KRT72: variants seen among roughly 807,000 people sequenced by gnomAD.
KRT72 encodes keratin, type II cytoskeletal 72.
In KRT72, 44 loss-of-function variants were observed where a neutral mutation model predicts 44.7. The observed-to-expected ratio is 0.98, with a 90% CI of 0.77 to 1.27. The LOEUF is 1.27. KRT72 is among the 50% of genes most tolerant of loss of function. The pLI, the probability that KRT72 is intolerant of heterozygous loss-of-function variation, is 0.00. For missense variants in KRT72, 736 were observed against 667.1 expected (o/e 1.10, Z -1.14); for synonymous variants, 302 against 280.4 (o/e 1.08, Z -0.77).
At chr12:52,594,543 G>A (rs1245116464) in intron 2 of KRT72, among the ~76,000 whole-genome samples, 2 of 151,850 alleles carry the variant, frequency 1.3e-5, no homozygotes, top group East Asian at 3.9e-4. Flanking sequence ...TCACTCACAG[G>A]TAGGAATTGA....
Position 52,592,423 on chromosome 12 carries a change from A to G in KRT72, c.771T>C (p.Ile257=), listed in dbSNP as rs1476823838. 1.2e-6 allele frequency: 2 copies of G among 1,613,558 alleles called. No homozygotes were observed. The highest frequency in any genetic ancestry group is 1.7e-6 in the Non-Finnish European group (2 of 1,179,482). The stretch of plus-strand genomic sequence containing the variant: ...CTTCATAAAGGCACTTGAAGAATTT[A>G]ATCTCATCTGTCAAGGAGTCCACCT... ...QAKVDSLTDE[I]KFFKCLYEGE... is the part of the protein sequence containing the mutation. Residue 257 remains isoleucine, a synonymous_variant, in exon 4 of 9, where the codon ATT becomes ATC. Transcript: ENST00000293745.
chr12:52,590,777 G>A, intron 6 of KRT72, 59 bp downstream of exon 6: 1 of 1,493,304 alleles, frequency 6.7e-7, no homozygotes. Context: ...TTCATATTCT[G>A]TCTGGCCCAG....
rs142172097 is a variant in KRT72 at position 52,591,609 on chromosome 12, G to T, written c.818C>A (p.Ser273Tyr). The change falls in exon 5 of 9, where the codon TCC (serine) becomes TAC (tyrosine). Residue 273 changes from serine to tyrosine, a missense_variant. Ser to Tyr is a moderately radical substitution (Grantham distance 144, BLOSUM62 -2). Transcript: ENST00000293745. The part of the protein sequence containing the change: ...LYEGEITQIQ[S>Y]HISDTSIVLS... ...GACGATGGACGTGTCGCTGATGTGG[G>T]ACTGGATCTGAGTGATCTCCTGGGG... 3 of 1,613,144 alleles carry T rather than the reference G, an allele frequency of 1.9e-6. No individual in the cohort carries two copies. The highest frequency in any genetic ancestry group is 2.7e-5 in the African/African-American group (2 of 74,914).
At position 52,587,630 on chromosome 12, in the gene KRT72, C is replaced by T. The variant is rs962349195; in HGVS notation, c.1310+1G>A. The stretch of plus-strand genomic sequence containing the variant: ...CGACACAAGGGTATCCGGCCCCTCA[C>T]CTGCACTCCTCGCTCTCCAGCAGCT... On this transcript the variant is annotated splice_donor_variant, in intron 7 of 8. Transcript: ENST00000293745. LOFTEE classifies it high-confidence loss of function. 5 of 1,614,078 alleles carry T rather than the reference C, an allele frequency of 3.1e-6. No homozygotes were observed. In the East Asian group the frequency reaches 6.7e-5, roughly 22 times the overall value.
In KRT72 at chr12:52,601,012, T is replaced by G. The variant is rs371419189; in HGVS notation, c.426+15A>C. On this transcript the variant is annotated intron_variant, in intron 1 of 8. Transcript: ENST00000293745. ...TGCGCCCAACGCAGGGACAGGCCAA[T>G]GCCCGAGGACTCACCTTGTCGATGA... 3 of 1,609,792 alleles carry G rather than the reference T, an allele frequency of 1.9e-6. No individual in the cohort carries two copies. The South Asian group carries it at 3.3e-5, about 18-fold the overall frequency.
At chr12:52,591,365 C>A in intron 5 of KRT72, 99 bp downstream of exon 5, 1 of 1,331,728 alleles carries the variant, frequency 7.5e-7, no homozygotes, top group Non-Finnish European at 1.0e-6. Context: ...CAAATACACA[C>A]ACACACACAA....
chr12:52,597,372 A>T (rs535177248), intron 2 of KRT72, among the ~76,000 whole-genome samples: 68 of 152,366 alleles, frequency 4.5e-4, no homozygotes, highest in African/African-American at 1.6e-3. Flanking sequence ...ACAATGACAT[A>T]TGATTAGCAT....
Position 52,601,231 on chromosome 12 carries a change from G to C in KRT72, c.222C>G (p.Phe74Leu), listed in dbSNP as rs781221296. 2 of 1,596,898 alleles carry C rather than the reference G, an allele frequency of 1.3e-6. No individual in the cohort carries two copies. The highest frequency in any genetic ancestry group is 2.7e-5 in the African/African-American group (2 of 74,488). The change falls in exon 1 of 9, where the codon TTC becomes TTG. Residue 74 changes from phenylalanine (F) to leucine (L), a missense_variant. Physicochemically the swap from Phe to Leu is conservative, Grantham distance 22. Transcript: ENST00000293745. ...CGGCGCTGCCGAAGGCGGTGCCCAC[G>C]AAGCCGCCCAGGCGGCCGCCGCCCC... ...ARRGGGRLGG[F>L]VGTAFGSAGL...
chr12:52,588,503 G>C (rs891153818), intron 6 of KRT72, among the ~76,000 whole-genome samples: 5 of 152,164 alleles, frequency 3.3e-5, no homozygotes, highest in African/African-American at 1.2e-4. Context: ...CCTGTTGGCA[G>C]GTGGAGGGAG....
At chr12:52,598,547 T>C (rs2120805465) in intron 2 of KRT72, among the ~76,000 whole-genome samples, 1 of 152,350 alleles carries the variant, frequency 6.6e-6, no homozygotes, top group Middle Eastern at 3.4e-3. Flanking sequence ...ATTCTTTTTT[T>C]TAGATTTAAA....
In KRT72 at chr12:52,586,080, C is replaced by T. The variant is rs1307675290; in HGVS notation, c.1438G>A (p.Ala480Thr). 1.9e-6 allele frequency: 3 copies of T among 1,614,106 alleles called. No homozygotes were observed. Among genetic ancestry groups the T allele is most frequent in the Non-Finnish European group, 2.5e-6 (3 of 1,180,052 alleles). The change falls in exon 9 of 9, where the codon GCA (alanine) becomes ACA (threonine). Residue 480 changes from alanine (A) to threonine (T), a missense_variant. By Grantham distance (58) the Ala-to-Thr change is moderately conservative. Transcript: ENST00000293745. ...SSSYSYKTAA[A>T]DVKTKGSCGS... ...CAGCTGCCTTTGGTCTTGACGTCTG[C>T]AGCTGCAGTTTTGTAGCTATAACTG...
intron 2 of KRT72, among the ~76,000 whole-genome samples, chr12:52,595,878 T>C (rs1375237980): frequency 6.6e-6 from 1 of 152,234 alleles, no homozygotes; most frequent in African/African-American, 2.4e-5. Context: ...ATGACTTTAC[T>C]GACTAGGAAA....
upstream of KRT72, among the ~76,000 whole-genome samples, chr12:52,602,578 C>A (rs560499051): frequency 2.6e-5 from 4 of 152,346 alleles, no homozygotes; most frequent in East Asian, 7.7e-4. Context: ...GCTCTTATTT[C>A]TTAAGCTGCC....
intron 2 of KRT72, among the ~76,000 whole-genome samples, chr12:52,596,552 T>C (rs1592231045): frequency 1.3e-5 from 2 of 151,084 alleles, no homozygotes; most frequent in Admixed American, 6.8e-5. Context: ...TTTCTTTTTT[T>C]CTTTCTTTTT....
At chr12:52,595,554 T>C (rs662941) in intron 2 of KRT72, among the ~76,000 whole-genome samples, 121,289 of 152,162 alleles carry the variant, frequency 0.8, 49,175 homozygotes, top group African/African-American at 0.95. Context: ...TGAAAATTGG[T>C]TTTTCCAATG....
At chr12:52,596,700 G>A (rs113654724) in intron 2 of KRT72, among the ~76,000 whole-genome samples, 2,751 of 151,912 alleles carry the variant, frequency 0.018, 81 homozygotes, top group African/African-American at 0.064. Flanking sequence ...ACAGACGCAC[G>A]CCACCATGCC....
At chr12:52,587,892 A>C (rs7310156) in intron 6 of KRT72, 41 bp from the exon 7 acceptor site, 328,464 of 1,569,164 alleles carry the variant, frequency 0.21, 36,625 homozygotes, top group Non-Finnish European at 0.23. Context: ...GTCAGAGCCC[A>C]GTTCTGAGAT....
chr12:52,592,859 G>A, intron 3 of KRT72, 33 bp downstream of exon 3: 2 of 1,600,486 alleles, frequency 1.2e-6, no homozygotes, highest in Non-Finnish European at 1.7e-6. Context: ...GTCAGGTCTA[G>A]GCTTCTTCCA....
At chr12:52,594,862 A>T (rs868606734) in intron 2 of KRT72, among the ~76,000 whole-genome samples, 62 of 152,358 alleles carry the variant, frequency 4.1e-4, no homozygotes, top group African/African-American at 1.3e-3. Context: ...TAGTTATGCT[A>T]TATAAAACAC....
Sources: allele counts gnomAD v4.1 joint callset (sites outside exome capture counted in the v4.1 genomes callset), GRCh38; gene constraint gnomAD v4.1.1; transcripts MANE v1.5; gene names NCBI Gene and HGNC (gene_info 2026-07-23, HGNC 2026-07-21).